Variants in TENM1 observed in about 807,000 individuals in gnomAD.
The protein encoded by TENM1 is teneurin-1.
TENM1 carries 35 observed loss-of-function variants against 174.8 expected under a neutral mutation model. The ratio of observed to expected loss-of-function variants is 0.20; its 90% CI spans 0.15 to 0.27. TENM1 has a LOEUF of 0.27. TENM1 is among the 10% of genes least tolerant of loss of function. The pLI is 1.00. For synonymous variants in TENM1, 781 were observed against 798.7 expected (o/e 0.98, Z 0.37); for missense variants, 1,633 against 2,130.1 (o/e 0.77, Z 4.59).
At chrX:124,470,607 A>C (rs1424909657) in intron 22 of TENM1, among the ~76,000 whole-genome samples, 1 of 110,610 alleles carries the variant, frequency 9.0e-6, no homozygotes, top group African/African-American at 3.3e-5. Flanking sequence ...TGCCTTTTAA[A>C]TTTTTCTTCT....
At chrX:124,864,009 G>T (rs1453615666) in intron 3 of TENM1, among the ~76,000 whole-genome samples, 1 of 112,356 alleles carries the variant, frequency 8.9e-6, no homozygotes, top group Non-Finnish European at 1.9e-5. Flanking sequence ...CCATCAAAGT[G>T]GTACCTCTAC....
chrX:124,574,901 T>C (rs1177751361), intron 11 of TENM1, among the ~76,000 whole-genome samples: 1 of 111,645 alleles, frequency 9.0e-6, no homozygotes, highest in East Asian at 2.8e-4. Flanking sequence ...TGTGTGTTGT[T>C]TCACCAAGTA....
chrX:125,107,267 T>A, the TENM1 span, among the ~76,000 whole-genome samples: 13,368 of 111,681 alleles, frequency 0.12, 685 homozygotes, highest in Admixed American at 0.28. Flanking sequence ...TTGTAATGCA[T>A]GATTGAAATA....
At chrX:124,708,461 C>G (rs1204226572) in intron 4 of TENM1, among the ~76,000 whole-genome samples, 1 of 111,301 alleles carries the variant, frequency 9.0e-6, no homozygotes, top group African/African-American at 3.3e-5. Context: ...AGGAATTTTT[C>G]CTCAGGAAAT....
intron 11 of TENM1, among the ~76,000 whole-genome samples, chrX:124,631,918 GT>G (rs758718265): frequency 0.053 from 4,404 of 83,089 alleles, 408 homozygotes; most frequent in African/African-American, 0.19. Context: ...AATCCATACA[GT>G]TTTTTTTTTT....
At chrX:125,026,864 C>T in the TENM1 span, among the ~76,000 whole-genome samples, 1 of 111,771 alleles carries the variant, frequency 8.9e-6, no homozygotes, top group African/African-American at 3.2e-5. Context: ...GAAGTAAATT[C>T]ATCACACTTA....
intron 3 of TENM1, among the ~76,000 whole-genome samples, chrX:124,766,697 C>G (rs1308590334): frequency 1.8e-5 from 2 of 110,925 alleles, no homozygotes; most frequent in East Asian, 5.6e-4. Context: ...AAGAGTTCTA[C>G]TGGAATATTA....
At chrX:124,459,622 C>T (rs190117421) in intron 22 of TENM1, among the ~76,000 whole-genome samples, 2 of 111,344 alleles carry the variant, frequency 1.8e-5, no homozygotes, top group Admixed American at 1.9e-4. Flanking sequence ...AAAGTAAAAC[C>T]CAAAACTATA....
At chrX:124,972,975 T>A in the TENM1 span, among the ~76,000 whole-genome samples, 1 of 112,347 alleles carries the variant, frequency 8.9e-6, no homozygotes, top group Non-Finnish European at 1.9e-5. Context: ...TTCTGGACAC[T>A]GGAAAGTCCA....
chrX:124,736,714 C>T (rs960103758), intron 4 of TENM1, among the ~76,000 whole-genome samples: 2 of 111,652 alleles, frequency 1.8e-5, no homozygotes, highest in African/African-American at 3.3e-5. Context: ...TATGTATCTG[C>T]GGCTTCATCT....
At chrX:124,381,439 G>C in intron 31 of TENM1, 145 bp from the exon 35 acceptor site, 2 of 526,334 alleles carry the variant, frequency 3.8e-6, no homozygotes, top group South Asian at 7.6e-5. Context: ...GCCAGATTTG[G>C]AATCTCTTCA....
the TENM1 span, among the ~76,000 whole-genome samples, chrX:125,089,718 G>A: frequency 9.0e-6 from 1 of 111,623 alleles, no homozygotes; most frequent in Non-Finnish European, 1.9e-5. Flanking sequence ...CAGTAGTTGG[G>A]GAAGGGAGTA....
chrX:124,481,868 T>C, exon 22 of TENM1: 1 of 1,205,786 alleles, frequency 8.3e-7, no homozygotes, highest in Non-Finnish European at 1.1e-6. Flanking sequence ...CCACAAGAGA[T>C]TTCAACTTGT....
the TENM1 span, among the ~76,000 whole-genome samples, chrX:125,082,507 G>A: frequency 9.0e-6 from 1 of 110,923 alleles, no homozygotes; most frequent in African/African-American, 3.3e-5. Flanking sequence ...CTTTGTTTTT[G>A]TCTAATAGTG....
At chrX:124,718,442 A>C (rs773746392) in intron 4 of TENM1, among the ~76,000 whole-genome samples, 26 of 112,380 alleles carry the variant, frequency 2.3e-4, no homozygotes, top group Non-Finnish European at 3.4e-4. Flanking sequence ...CAAGTCAATT[A>C]AGTATAGTAC....
At chrX:125,078,779 G>T in the TENM1 span, among the ~76,000 whole-genome samples, 29 of 111,493 alleles carry the variant, frequency 2.6e-4, no homozygotes, top group East Asian at 8.0e-3. Flanking sequence ...AGTCTGGCTG[G>T]GGAGATAAAA....
chrX:124,579,444 A>G (rs2049249023), intron 11 of TENM1, among the ~76,000 whole-genome samples: 1 of 111,264 alleles, frequency 9.0e-6, no homozygotes, highest in Non-Finnish European at 1.9e-5. Flanking sequence ...CCCACAGCCT[A>G]TCTCTACCTG....
intron 22 of TENM1, among the ~76,000 whole-genome samples, chrX:124,454,113 T>C (rs1321583116): frequency 4.5e-5 from 5 of 111,591 alleles, no homozygotes; most frequent in Non-Finnish European, 9.4e-5. Context: ...TTACACACAG[T>C]GTTAATTACA....
chrX:125,010,828 AAC>A, the TENM1 span, among the ~76,000 whole-genome samples: 2 of 109,916 alleles, frequency 1.8e-5, no homozygotes, highest in African/African-American at 3.3e-5. Flanking sequence ...AAAAAAAAAA[AAC>A]ATTTTAAATT....
Sources: allele counts gnomAD v4.1 joint callset (sites outside exome capture counted in the v4.1 genomes callset), GRCh38; gene constraint gnomAD v4.1.1; transcripts MANE v1.5; gene names NCBI Gene and HGNC (gene_info 2026-07-23, HGNC 2026-07-21).